Variants in NCAPD2 observed in about 807,000 individuals in gnomAD.
NCAPD2 encodes the protein condensin complex subunit 1.
A neutral mutation model predicts 164.5 loss-of-function variants in NCAPD2; 100 were observed. The ratio of observed to expected loss-of-function variants is 0.61; its 90% CI spans 0.52 to 0.72. NCAPD2 has a LOEUF of 0.72. Ranked by LOEUF, NCAPD2 falls within the 30% of genes least tolerant of loss-of-function variation. NCAPD2 has a pLI of 0.00. For synonymous variants in NCAPD2, 585 were observed against 642.6 expected, an observed-to-expected ratio of 0.91 and a Z score of 1.36; for missense variants, 1,560 against 1,749.2, an observed-to-expected ratio of 0.89 and a Z score of 1.93.
At chr12:6,502,837 T>G (rs1339563631) in intron 2 of NCAPD2, among the ~76,000 whole-genome samples, 1 of 149,604 alleles carries the variant, frequency 6.7e-6, no homozygotes, top group Non-Finnish European at 1.5e-5. Flanking sequence ...CAAAGGTGTT[T>G]TTGTTGTTGT....
At position 6,528,224 on chromosome 12, in the gene NCAPD2, G is replaced by A. The variant is rs150344215; in HGVS notation, c.3195G>A (p.Lys1065=). ...GTCTTCTGTTCACCATGCTGGAAAAGTCTCCACTTCCCATTGTCCGGTCTA... is the reference window on the plus strand; with the variant it reads ...GTCTTCTGTTCACCATGCTGGAAAAATCTCCACTTCCCATTGTCCGGTCTA... ...QLRLLFTMLE[K]SPLPIVRSNL... Residue 1065 remains lysine (K), a synonymous_variant, in exon 25 of 32, where the codon AAG becomes AAA. Coordinates refer to ENST00000315579, the MANE Select transcript of NCAPD2 (RefSeq NM_014865.4). The surrounding 1 kb of genome is among the most constrained non-coding windows in gnomAD (Gnocchi z 5.1). 2.9e-4 allele frequency: 473 copies of A among 1,614,148 alleles called. No homozygotes were observed. Among genetic ancestry groups the A allele is most frequent in the Middle Eastern group, 1.6e-3 (10 of 6,062 alleles).
At chr12:6,518,520 T>TTTTTTTTTTTTTTTTTG (rs1946231966) in intron 13 of NCAPD2, among the ~76,000 whole-genome samples, 1 of 113,982 alleles carries the variant, frequency 8.8e-6, no homozygotes, top group African/African-American at 3.8e-5. Context: ...TTTTTTTTTT[T>TTTTTTTTTTTTTTTTTG]TTTTTTTTTT....
intron 2 of NCAPD2, among the ~76,000 whole-genome samples, chr12:6,501,217 C>A (rs180823217): frequency 6.9e-6 from 1 of 144,378 alleles, no homozygotes; most frequent in South Asian, 2.2e-4. Flanking sequence ...TGCACCACCA[C>A]GCCTGGCTAA....
intron 2 of NCAPD2, among the ~76,000 whole-genome samples, chr12:6,502,281 C>T (rs564749952): frequency 1.9e-4 from 29 of 151,828 alleles, no homozygotes; most frequent in African/African-American, 6.5e-4. Context: ...GAGCTTGGGG[C>T]AGTTGAAAGT....
At chr12:6,520,962 A>G in intron 13 of NCAPD2, 24 bp from the exon 14 acceptor site, 1 of 1,613,500 alleles carries the variant, frequency 6.2e-7, no homozygotes, top group Non-Finnish European at 8.5e-7. Flanking sequence ...TCTTCTGGGT[A>G]CTGACAGGCT....
intron 2 of NCAPD2, among the ~76,000 whole-genome samples, chr12:6,508,371 C>T (rs1946116079): frequency 6.6e-6 from 1 of 152,014 alleles, no homozygotes; most frequent in Non-Finnish European, 1.5e-5. Flanking sequence ...GTTCAAAGGA[C>T]ACAGGCCAAG....
chr12:6,518,504 G>GTTTTTTTTTTTTTTTGTTTTTT (rs1946227130), intron 13 of NCAPD2, among the ~76,000 whole-genome samples: 13 of 44,782 alleles, frequency 2.9e-4, no homozygotes, highest in African/African-American at 1.3e-3. Flanking sequence ...CCGTCAACAA[G>GTTTTTTTTTTTTTTTGTTTTTT]TTTTTTTTTT....
rs753946354 is a variant in NCAPD2 at position 6,531,100 on chromosome 12, G to A, written c.4120+24G>A. On this transcript the variant is annotated intron_variant, in intron 31 of 31. Coordinates refer to ENST00000315579, the MANE Select transcript of NCAPD2 (RefSeq NM_014865.4). The surrounding 1 kb of genome is among the most constrained non-coding windows in gnomAD (Gnocchi z 4.1). The stretch of plus-strand genomic sequence containing the variant: ...AGGTATGATGCTCCCGCCTGTTCCC[G>A]GCCGAGAAGGCACACAGCTAGGGTG... The A allele has an allele frequency of 3.2e-5, 51 of 1,611,902 alleles. No homozygotes were observed. The highest frequency in any genetic ancestry group is 4.0e-5 in the African/African-American group (3 of 74,830).
In NCAPD2 at chr12:6,517,502, A is replaced by G. The variant is rs1156428943; in HGVS notation, c.1320+3A>G. 6.8e-6 allele frequency: 11 copies of G among 1,614,112 alleles called. No homozygotes were observed. Among genetic ancestry groups the G allele is most frequent in the Non-Finnish European group, 8.5e-6 (10 of 1,180,042 alleles). The stretch of plus-strand genomic sequence containing the variant: ...CCAATAATCCTTTCTCCTGCAAGGT[A>G]AGTAGACTTGGTCCACCAAAAGAGA... On this transcript the variant is annotated splice_donor_region_variant and intron_variant, in intron 11 of 31. Transcript: ENST00000315579.
At chr12:6,518,512 T>TGTTTTTTG (rs1946229893) in intron 13 of NCAPD2, among the ~76,000 whole-genome samples, 1 of 103,518 alleles carries the variant, frequency 9.7e-6, no homozygotes, top group African/African-American at 4.1e-5. Context: ...AAGTTTTTTT[T>TGTTTTTTG]TTTTTTTTTT....
chr12:6,524,136 T>C (rs1277712066), intron 17 of NCAPD2, among the ~76,000 whole-genome samples: 1 of 152,170 alleles, frequency 6.6e-6, no homozygotes, highest in Non-Finnish European at 1.5e-5. Context: ...TCTTAACTTC[T>C]GTGTTCTACT....
At position 6,511,028 on chromosome 12, in the gene NCAPD2, ATTGT is replaced by A. The variant is rs993372231; in HGVS notation, c.445-78_445-75del. ...ACCTTCTATGTTGTCTTGGTACTAGATTGTTTGGGCACTCAGACTGACAGATCTT... is the reference window on the plus strand; with the variant it reads ...ACCTTCTATGTTGTCTTGGTACTAGATTGGGCACTCAGACTGACAGATCTT... On this transcript the variant is annotated intron_variant, in intron 5 of 31. Coordinates refer to ENST00000315579, the MANE Select transcript of NCAPD2 (RefSeq NM_014865.4). The A allele has an allele frequency of 3.4e-5, 50 of 1,472,202 alleles. No homozygotes were observed. In the African/African-American group the frequency reaches 5.6e-4, roughly 17 times the overall value. 91.2% of individuals were successfully genotyped at this position (1,472,202 alleles called of 1,614,324 possible).
chr12:6,506,452 T>C (rs1302383415), intron 2 of NCAPD2, among the ~76,000 whole-genome samples: 2 of 151,596 alleles, frequency 1.3e-5, no homozygotes, highest in Non-Finnish European at 2.9e-5. Flanking sequence ...TAGCCGGGCA[T>C]GGTGGCGGGC....
In NCAPD2 at chr12:6,516,205, A is replaced by C. The variant is rs548298235; in HGVS notation, c.988-623A>C. 1.2e-4 allele frequency among the ~76,000 whole-genome samples: 18 copies of C among 147,754 alleles called. No homozygotes were observed. The East Asian group carries it at 3.2e-3, about 26-fold the overall frequency. On this transcript the variant is annotated intron_variant, in intron 9 of 31. Transcript: ENST00000315579. ...AACGAGACTCTGTCTCAAAAAAAAA[A>C]CCAAAAAAAACCACACAGACGGGCG... is the stretch of plus-strand genomic sequence containing the variant.
Position 6,531,881 on chromosome 12 carries a change from A to G in NCAPD2, c.*469A>G, listed in dbSNP as rs1397190322. On this transcript the variant is annotated 3_prime_UTR_variant, in exon 32 of 32. Coordinates refer to ENST00000315579, the MANE Select transcript of NCAPD2 (RefSeq NM_014865.4). The surrounding 1 kb of genome is among the most constrained non-coding windows in gnomAD (Gnocchi z 4.1). ...AAATTAGCCTAACTGAACTGCGTTG[A>G]GCTGCTTCAACTTTGGAATATATGT... 5.6e-6 allele frequency: 1 copy of G among 179,294 alleles called. No individual in the cohort carries two copies. Among genetic ancestry groups the G allele is most frequent in the Non-Finnish European group, 1.2e-5 (1 of 83,352 alleles). 11.1% of individuals were successfully genotyped at this position (179,294 alleles called of 1,614,324 possible).
Position 6,514,497 on chromosome 12 carries a change from A to C in NCAPD2, c.749A>C (p.His250Pro). 6.2e-7 allele frequency: 1 copy of C among 1,614,190 alleles called. No homozygotes were observed. The highest frequency in any genetic ancestry group is 8.5e-7 in the Non-Finnish European group (1 of 1,180,036). ...GTGAAGATCATCCAGATGCTGCAGCACTTTGAACACCTGGCACCTGTACTG... is the reference window on the plus strand; with the variant it reads ...GTGAAGATCATCCAGATGCTGCAGCCCTTTGAACACCTGGCACCTGTACTG... ...ATVKIIQMLQ[H>P]FEHLAPVLVA... Residue 250 changes from histidine (H) to proline (P), a missense_variant, in exon 8 of 32, where the codon CAC (histidine) becomes CCC (proline). Physicochemically the swap from His to Pro is moderately conservative, Grantham distance 77. Transcript: ENST00000315579.
intron 13 of NCAPD2, among the ~76,000 whole-genome samples, chr12:6,518,553 C>T (rs1355673279): frequency 2.4e-5 from 2 of 82,288 alleles, no homozygotes; most frequent in South Asian, 3.7e-4. Flanking sequence ...GTCTCACTCA[C>T]TCTGTTGCCC....
At chr12:6,502,109 G>A (rs1452752636) in intron 2 of NCAPD2, among the ~76,000 whole-genome samples, 2 of 152,278 alleles carry the variant, frequency 1.3e-5, no homozygotes, top group East Asian at 3.9e-4. Context: ...AAGGAAGAGG[G>A]AACAGTTGTT....
intron 2 of NCAPD2, among the ~76,000 whole-genome samples, chr12:6,506,507 G>A (rs1946100207): frequency 6.6e-6 from 1 of 151,372 alleles, no homozygotes; most frequent in South Asian, 2.1e-4. Flanking sequence ...GGAGAGTGGC[G>A]TGAACCCAGG....
Sources: allele counts gnomAD v4.1 joint callset (sites outside exome capture counted in the v4.1 genomes callset), GRCh38; gene constraint gnomAD v4.1.1; non-coding constraint Gnocchi (gnomAD v3.1); transcripts MANE v1.5; gene names NCBI Gene and HGNC (gene_info 2026-07-23, HGNC 2026-07-21).